LAMA2: variants seen among roughly 807,000 people sequenced by gnomAD.
The protein encoded by LAMA2 is laminin subunit alpha 2, also known as laminin subunit alpha-2.
Under a neutral mutation model 364.8 loss-of-function variants are expected in LAMA2, and 269 were observed. The ratio of observed to expected loss-of-function variants is 0.74; its 90% CI spans 0.67 to 0.82. LAMA2 has a LOEUF of 0.82. Ranked by LOEUF, LAMA2 falls within the 40% of genes least tolerant of loss-of-function variation. The pLI, the probability that LAMA2 is intolerant of heterozygous loss-of-function variation, is 0.00. For missense variants in LAMA2, 3,807 were observed against 3,873.2 expected (o/e 0.98, Z 0.45); for synonymous variants, 1,379 against 1,370.6 (o/e 1.01, Z -0.14).
chr6:129,298,172 G>A (rs75970733), intron 21 of LAMA2, among the ~76,000 whole-genome samples: 3,019 of 38,692 alleles, frequency 0.078, 46 homozygotes, highest in Admixed American at 0.098. Context: ...TTAAATGTTC[G>A]ATTTTTCTGG....
intron 1 of LAMA2, among the ~76,000 whole-genome samples, chr6:128,922,200 T>C: frequency 6.6e-6 from 1 of 151,748 alleles, no homozygotes; most frequent in Non-Finnish European, 1.5e-5. Context: ...CAGCATGATT[T>C]ATAGTCCTTT....
chr6:128,912,980 G>A (rs752901464), intron 1 of LAMA2, among the ~76,000 whole-genome samples: 1 of 150,976 alleles, frequency 6.6e-6, no homozygotes, highest in Non-Finnish European at 1.5e-5. Context: ...GTTAAAACAG[G>A]GTTGACAAAT....
rs773285049 is a variant in LAMA2 at position 129,366,370 on chromosome 6, G to T, written c.4860+9G>T. 1 of 1,613,182 alleles carries T rather than the reference G, an allele frequency of 6.2e-7. No homozygotes were observed. On this transcript the variant is annotated intron_variant, in intron 33 of 64. Transcript: ENST00000421865. ...TGACTCAGGAGCTAAAGGTAGGTTG[G>T]TGCAGTCACAAGCAAGGGCCAGGGA...
intron 34 of LAMA2, among the ~76,000 whole-genome samples, chr6:129,377,288 G>T (rs909163851): frequency 5.9e-5 from 9 of 151,930 alleles, no homozygotes; most frequent in African/African-American, 1.7e-4. Flanking sequence ...GTTTTTAAAC[G>T]ATTTAAGTGC....
chr6:129,451,966 C>A (rs988553931), intron 45 of LAMA2, among the ~76,000 whole-genome samples: 3 of 152,124 alleles, frequency 2.0e-5, no homozygotes, highest in Admixed American at 6.5e-5. Context: ...ATGAGTAGCA[C>A]AAAATGCTAG....
At chr6:129,245,517 C>T (rs1583329005) in intron 12 of LAMA2, among the ~76,000 whole-genome samples, 3 of 151,958 alleles carry the variant, frequency 2.0e-5, no homozygotes, top group East Asian at 1.9e-4. Flanking sequence ...ATGAAAGACT[C>T]GTAAAATTAA....
chr6:129,151,561 A>C (rs1231813381), intron 7 of LAMA2, among the ~76,000 whole-genome samples: 1 of 152,106 alleles, frequency 6.6e-6, no homozygotes, highest in Non-Finnish European at 1.5e-5. Flanking sequence ...ATACTACCCG[A>C]GACTGGGTAA....
In LAMA2 at chr6:129,353,448, C is replaced by CTT. The variant is rs878949960; in HGVS notation, c.4717+105_4717+106dup. ...AGAAAGAGTGACTCTCCCCGCCCGCCTTTTTTTTTTTTTTTGCAATAGTTA... is the reference window on the plus strand; with the variant it reads ...AGAAAGAGTGACTCTCCCCGCCCGCCTTTTTTTTTTTTTTTTTGCAATAGTTA... On this transcript the variant is annotated intron_variant, in intron 32 of 64. Coordinates refer to ENST00000421865, the MANE Select transcript of LAMA2 (RefSeq NM_000426.4). 2.0e-3 allele frequency: 1,545 copies of CTT among 770,294 alleles called. 3 individuals carry two copies. The highest frequency in any genetic ancestry group is 0.012 in the African/African-American group (593 of 51,046). The allele number at this position is 770,294 out of a possible 1,614,324, so 47.7% of individuals were successfully genotyped here.
rs1391598270 is a variant in LAMA2, at chr6:129,252,183, A to G, written c.1984A>G (p.Ile662Val). ...VLLLKEESFTIHGTHFPVRRK... is the reference protein window; with the variant it reads ...VLLLKEESFTVHGTHFPVRRK... The stretch of plus-strand genomic sequence containing the variant: ...GTTACTTAAAGAAGAATCATTTACC[A>G]TACATGGCACACATTTTCCAGTCCG... Residue 662 changes from isoleucine (I) to valine (V), a missense_variant, in exon 14 of 65, where the codon ATA becomes GTA. Transcript: ENST00000421865. 1.9e-6 allele frequency: 3 copies of G among 1,613,748 alleles called. No homozygotes were observed. Among genetic ancestry groups the G allele is most frequent in the South Asian group, 1.1e-5 (1 of 91,068 alleles).
intron 34 of LAMA2, among the ~76,000 whole-genome samples, chr6:129,380,253 T>C (rs1167968776): frequency 1.3e-5 from 2 of 152,168 alleles, no homozygotes; most frequent in Non-Finnish European, 2.9e-5. Flanking sequence ...AGCAAAAGTA[T>C]GAACAAAATC....
chr6:129,486,559 G>C lies in LAMA2; in HGVS notation c.7835G>C (p.Arg2612Thr). ...GARTMRKIVI[R>T]PEPNLFHDGR... ...CGAACAATGAGGAAAATTGTGATCA[G>C]ACCAGAGCCGAATCTGTTTCATGAT... is the stretch of plus-strand genomic sequence containing the variant. The change falls in exon 56 of 65, where the codon AGA (arginine) becomes ACA (threonine). Residue 2612 changes from arginine to threonine, a missense_variant. Around this residue, in one of 3 missense-constraint regions of LAMA2, gnomAD observed 3,333 missense variants for 3,345.7 expected, o/e 1.00. Coordinates refer to ENST00000421865, the MANE Select transcript of LAMA2 (RefSeq NM_000426.4). The C allele has an allele frequency of 1.2e-6, 2 of 1,613,996 alleles. No individual in the cohort carries two copies. The highest frequency in any genetic ancestry group is 1.1e-5 in the South Asian group (1 of 91,082).
intron 45 of LAMA2, among the ~76,000 whole-genome samples, chr6:129,451,626 C>T (rs1050846468): frequency 1.3e-5 from 2 of 152,160 alleles, no homozygotes; most frequent in African/African-American, 4.8e-5. Flanking sequence ...ATGACTTATG[C>T]GGTCTGTGGG....
Position 129,313,084 on chromosome 6 carries a change from A to T in LAMA2, c.3398A>T (p.Gln1133Leu). 6.2e-7 allele frequency: 1 copy of T among 1,602,586 alleles called. No homozygotes were observed. The highest frequency in any genetic ancestry group is 8.5e-7 in the Non-Finnish European group (1 of 1,170,536). ...TGCTCCTGTAGTGATCAAACTGGGC[A>T]GTGCACTTGTAAGGTATGTGCTGCT... ...KKCSCSDQTG[Q>L]CTCKVNVEGI... is the part of the protein sequence containing the mutation. The change falls in exon 23 of 65, where the codon CAG becomes CTG. Residue 1133 changes from glutamine to leucine, a missense_variant. Gln to Leu is a moderately radical substitution (Grantham distance 113). Around this residue, in one of 3 missense-constraint regions of LAMA2, gnomAD observed 3,333 missense variants for 3,345.7 expected, o/e 1.00. Coordinates refer to ENST00000421865, the MANE Select transcript of LAMA2 (RefSeq NM_000426.4).
intron 1 of LAMA2, among the ~76,000 whole-genome samples, chr6:128,924,720 A>G (rs1204086901): frequency 6.6e-6 from 1 of 152,160 alleles, no homozygotes; most frequent in Admixed American, 6.5e-5. Flanking sequence ...CAGAGGGGTT[A>G]TTTCCCAGCA....
intron 55 of LAMA2, among the ~76,000 whole-genome samples, chr6:129,483,391 A>G (rs1008367225): frequency 3.9e-5 from 6 of 152,098 alleles, no homozygotes; most frequent in African/African-American, 1.4e-4. Flanking sequence ...ATAAGAACAA[A>G]TATATAATTT....
chr6:129,463,039 T>C (rs1002688697), intron 49 of LAMA2, among the ~76,000 whole-genome samples: 1 of 152,026 alleles, frequency 6.6e-6, no homozygotes, highest in African/African-American at 2.4e-5. Context: ...GCTTCTAAAA[T>C]TCACATTAAG....
intron 32 of LAMA2, among the ~76,000 whole-genome samples, chr6:129,365,614 C>T (rs964983629): frequency 2.0e-5 from 3 of 151,788 alleles, no homozygotes; most frequent in Non-Finnish European, 2.9e-5. Context: ...CCACCCACCT[C>T]GGCCTCTCAA....
At chr6:129,301,471 G>A (rs567948788) in intron 22 of LAMA2, among the ~76,000 whole-genome samples, 11 of 152,202 alleles carry the variant, frequency 7.2e-5, no homozygotes, top group South Asian at 2.1e-4. Flanking sequence ...GTCAATGAGC[G>A]TCAGTGAAGA....
intron 41 of LAMA2, among the ~76,000 whole-genome samples, chr6:129,428,733 C>T (rs562353981): frequency 6.6e-6 from 1 of 152,286 alleles, no homozygotes; most frequent in South Asian, 2.1e-4. Context: ...ATGTGAGCCA[C>T]CGTGCCCGGC....
Sources: gnomAD v4.1 joint callset for allele counts (sites outside exome capture counted in the v4.1 genomes callset) on GRCh38, gnomAD v4.1.1 for gene constraint, gnomAD v4.1.1 regional missense constraint, MANE v1.5 for transcripts, NCBI Gene and HGNC (gene_info 2026-07-23, HGNC 2026-07-21) for gene names.